Variants in NLGN1 observed in about 807,000 individuals in gnomAD.
NLGN1 encodes the protein neuroligin 1.
In NLGN1, 12 loss-of-function variants were observed where a neutral mutation model predicts 65.5. The observed-to-expected ratio is 0.18, with a 90% CI of 0.12 to 0.30. The LOEUF (loss-of-function observed/expected upper bound fraction) is 0.30, where lower values mean the gene tolerates loss of function less well. Among genes scored for constraint, NLGN1 ranks in the 10% least tolerant of loss-of-function variants. The pLI, the probability that NLGN1 is intolerant of heterozygous loss-of-function variation, is 1.00. For missense variants in NLGN1, 750 were observed against 1,007.1 expected (o/e 0.74, Z 3.46); for synonymous variants, 350 against 359.5 (o/e 0.97, Z 0.30).
intron 4 of NLGN1, among the ~76,000 whole-genome samples, chr3:173,835,469 T>C (rs35052961): frequency 0.69 from 104,046 of 151,596 alleles, 36,147 homozygotes; most frequent in Non-Finnish European, 0.74. Flanking sequence ...TATTTCATTA[T>C]CAATCATCTA....
intron 4 of NLGN1, among the ~76,000 whole-genome samples, chr3:174,001,850 G>A (rs1723351339): frequency 6.6e-6 from 1 of 152,030 alleles, no homozygotes; most frequent in Non-Finnish European, 1.5e-5. Flanking sequence ...AATTTCTGGA[G>A]ATGGTTCATG....
intron 2 of NLGN1, among the ~76,000 whole-genome samples, chr3:173,483,680 A>C (rs1002564479): frequency 2.0e-5 from 3 of 152,012 alleles, no homozygotes; most frequent in African/African-American, 7.2e-5. Flanking sequence ...TGGAGAAAAA[A>C]GATTTGCTGA....
intron 4 of NLGN1, among the ~76,000 whole-genome samples, chr3:173,969,240 A>G (rs1715629982): frequency 6.6e-6 from 1 of 152,140 alleles, no homozygotes; most frequent in Non-Finnish European, 1.5e-5. Flanking sequence ...TTAAGGCCAT[A>G]AGGACAATAT....
intron 1 of NLGN1, chr3:173,399,749 A>AGCT (rs1159418892): frequency 6.6e-6 from 1 of 152,222 alleles, no homozygotes; most frequent in Non-Finnish European, 1.5e-5. Context: ...ACATTAAACT[A>AGCT]GCTGTTTCTG....
intron 4 of NLGN1, among the ~76,000 whole-genome samples, chr3:174,253,893 C>T (rs1321113354): frequency 6.6e-6 from 1 of 152,118 alleles, no homozygotes; most frequent in Non-Finnish European, 1.5e-5. Flanking sequence ...ATAATTTTCT[C>T]CTTGGTGAGC....
rs569573239 is a variant in NLGN1, at chr3:174,238,937, A to G, written c.647-36378A>G. 2.0e-5 allele frequency among the ~76,000 whole-genome samples: 3 copies of G among 152,186 alleles called. No homozygotes were observed. The South Asian group carries it at 6.2e-4, about 32-fold the overall frequency. ...CATCTACACTGATTATATGTTTGCT[A>G]CTCAATGGGGTTGGTGGAATGTCTT... On this transcript the variant is annotated intron_variant, in intron 4 of 6. Coordinates refer to ENST00000457714, the Ensembl canonical transcript of NLGN1.
chr3:173,420,567 AT>A (rs1341324917), intron 1 of NLGN1, among the ~76,000 whole-genome samples: 1 of 152,154 alleles, frequency 6.6e-6, no homozygotes, highest in East Asian at 1.9e-4. Context: ...TAGCAGCATG[AT>A]TTTATAATCC....
At chr3:173,689,976 C>T (rs904137062) in intron 3 of NLGN1, among the ~76,000 whole-genome samples, 16 of 152,066 alleles carry the variant, frequency 1.1e-4, no homozygotes, top group African/African-American at 3.1e-4. Context: ...GTAAACATAA[C>T]ATTAAGGTAA....
rs1040339997 is a variant in NLGN1 at position 173,977,121 on chromosome 3, A to G, written c.646+169289A>G. ...CACACACACACGCACACACACACAC[A>G]CGCACACACACACACACCATTTCAA... On this transcript the variant is annotated intron_variant, in intron 4 of 6. Transcript: ENST00000457714. 4.7e-5 allele frequency among the ~76,000 whole-genome samples: 7 copies of G among 149,080 alleles called. No homozygotes were observed. The East Asian group carries it at 7.7e-4, about 16-fold the overall frequency.
chr3:173,823,684 AC>A (rs1405341042), intron 4 of NLGN1, among the ~76,000 whole-genome samples: 2 of 152,076 alleles, frequency 1.3e-5, no homozygotes, highest in African/African-American at 4.8e-5. Flanking sequence ...CTCAATAGTC[AC>A]ATGTGGCTAT....
chr3:173,907,815 C>T (rs1738754454), intron 4 of NLGN1, among the ~76,000 whole-genome samples: 1 of 151,824 alleles, frequency 6.6e-6, no homozygotes, highest in Admixed American at 6.6e-5. Flanking sequence ...GAACTCCTGA[C>T]CTCAGGTGAT....
At chr3:173,442,623 T>A (rs2148802646) in intron 2 of NLGN1, among the ~76,000 whole-genome samples, 1 of 152,308 alleles carries the variant, frequency 6.6e-6, no homozygotes, top group South Asian at 2.1e-4. Context: ...TATTGAGTCT[T>A]AATATTAGGC....
At chr3:173,448,741 C>T (rs1720881084) in intron 2 of NLGN1, among the ~76,000 whole-genome samples, 1 of 152,034 alleles carries the variant, frequency 6.6e-6, no homozygotes, top group African/African-American at 2.4e-5. Flanking sequence ...AATTTCAGAG[C>T]CTGTTATTGG....
intron 4 of NLGN1, among the ~76,000 whole-genome samples, chr3:174,079,239 A>G (rs1220456576): frequency 2.6e-5 from 4 of 152,218 alleles, no homozygotes; most frequent in Admixed American, 6.5e-5. Flanking sequence ...ACATGAACAG[A>G]AAATTTTCAA....
intron 3 of NLGN1, among the ~76,000 whole-genome samples, chr3:173,740,114 A>G (rs1774416731): frequency 6.6e-6 from 1 of 152,146 alleles, no homozygotes; most frequent in South Asian, 2.1e-4. Context: ...TTAAGATTCA[A>G]AAATAGATAA....
chr3:174,045,372 A>G (rs1264022983), intron 4 of NLGN1, among the ~76,000 whole-genome samples: 3 of 152,054 alleles, frequency 2.0e-5, no homozygotes, highest in Non-Finnish European at 4.4e-5. Context: ...CGAAGAGGGG[A>G]AAAGCCCCTC....
chr3:174,238,013 T>C (rs1363759437), intron 4 of NLGN1, among the ~76,000 whole-genome samples: 1 of 152,192 alleles, frequency 6.6e-6, no homozygotes, highest in Non-Finnish European at 1.5e-5. Context: ...TAGTTGACAG[T>C]AGGATGTGCT....
intron 4 of NLGN1, among the ~76,000 whole-genome samples, chr3:174,134,139 C>A (rs1055680729): frequency 5.9e-5 from 9 of 151,874 alleles, no homozygotes; most frequent in African/African-American, 2.2e-4. Context: ...GAAACAGTTG[C>A]GATTAAAGGA....
chr3:174,236,150 C>A (rs1466779965), intron 4 of NLGN1, among the ~76,000 whole-genome samples: 1 of 151,968 alleles, frequency 6.6e-6, no homozygotes, highest in African/African-American at 2.4e-5. Flanking sequence ...AGATTTGAGG[C>A]CTACCATACA....
Sources: allele counts gnomAD v4.1 joint callset (sites outside exome capture counted in the v4.1 genomes callset), GRCh38; gene constraint gnomAD v4.1.1; transcripts MANE v1.5; gene names NCBI Gene and HGNC (gene_info 2026-07-23, HGNC 2026-07-21).